Variants in ZNF615 observed in about 807,000 individuals in gnomAD.
ZNF615 encodes the protein zinc finger protein 615.
Under a neutral mutation model 15.3 loss-of-function variants are expected in ZNF615, and 15 were observed. The ratio of observed to expected loss-of-function variants is 0.98; its 90% CI spans 0.66 to 1.51. The LOEUF (loss-of-function observed/expected upper bound fraction) is 1.51. ZNF615 is among the 40% of genes most tolerant of loss of function. The pLI, the probability that ZNF615 is intolerant of heterozygous loss-of-function variation, is 0.00. For synonymous variants in ZNF615, 268 were observed against 294.6 expected (o/e 0.91, Z 0.92); for missense variants, 848 against 895.9 (o/e 0.95, Z 0.68).
rs1465299204 is a variant in ZNF615, at chr19:51,992,769, A to ATGAAGTAAC, written c.*102_*110dup. On this transcript the variant is annotated 3_prime_UTR_variant, in exon 7 of 7. Transcript: ENST00000598071. ...GTACATGTTTTCTCTGACACAAAAC[A>ATGAAGTAAC]TGAAGTAACTGATCACTAAATAAAC... The ATGAAGTAAC allele has an allele frequency of 1.4e-5, 17 of 1,246,386 alleles. No homozygotes were observed. Among genetic ancestry groups the ATGAAGTAAC allele is most frequent in the African/African-American group, 6.1e-5 (4 of 65,826 alleles). 77.2% of individuals were successfully genotyped at this position (1,246,386 alleles called of 1,614,324 possible).
Position 52,003,801 on chromosome 19 carries a change from A to T in ZNF615, c.-90T>A. ...CTCTAAATTTCGGTTCAAAAACTTC[A>T]ATCTCCAATCAAGGATGTCCCCAGA... On this transcript the variant is annotated 5_prime_UTR_variant, in exon 3 of 7. The change abolishes the stop of an existing upstream ORF in the 5' untranslated region. Coordinates refer to ENST00000598071, the MANE Select transcript of ZNF615 (RefSeq NM_001199324.2). 1 of 1,584,382 alleles carries T rather than the reference A, an allele frequency of 6.3e-7. No individual in the cohort carries two copies. The highest frequency in any genetic ancestry group is 8.6e-7 in the Non-Finnish European group (1 of 1,167,526).
intron 6 of ZNF615, among the ~76,000 whole-genome samples, chr19:51,999,829 T>G (rs2086539877): frequency 6.6e-6 from 1 of 152,220 alleles, no homozygotes; most frequent in Non-Finnish European, 1.5e-5. Context: ...AAACATTATC[T>G]TAAAGTAGAG....
In ZNF615 at chr19:51,996,402, A is replaced by AAAAAAAAC. The variant is rs1555771241; in HGVS notation, c.272-1566_272-1565insGTTTTTTT. On this transcript the variant is annotated intron_variant, in intron 6 of 6. Transcript: ENST00000598071. ...CTCTGTCTCAAAAAAAAAAAAAAAAAAAAAAACGCAAAACTATATGGCTTC... is the reference window on the plus strand; with the variant it reads ...CTCTGTCTCAAAAAAAAAAAAAAAAAAAAAAAACAAAAAACGCAAAACTATATGGCTTC... Among the ~76,000 whole-genome samples, 212 of 134,294 alleles carry AAAAAAAAC rather than the reference A, an allele frequency of 1.6e-3. 2 individuals carry two copies. Among genetic ancestry groups the AAAAAAAAC allele is most frequent in the South Asian group, 2.8e-3 (11 of 3,880 alleles). The allele number at this position is 134,294 out of a possible 152,430, so 88.1% of individuals were successfully genotyped here.
Position 51,994,524 on chromosome 19 carries a change from T to G in ZNF615, c.585A>C (p.Lys195Asn), listed in dbSNP as rs777814386. The G allele has an allele frequency of 6.2e-7, 1 of 1,614,130 alleles. No individual in the cohort carries two copies. Among genetic ancestry groups the G allele is most frequent in the South Asian group, 1.1e-5 (1 of 91,074 alleles). ...YTEMKFPAIAKPINKSQFIKQ... is the reference protein window; with the variant it reads ...YTEMKFPAIANPINKSQFIKQ... ...TAATGAACTGGGACTTATTAATAGG[T>G]TTTGCAATTGCAGGAAACTTCATTT... Residue 195 changes from lysine to asparagine, a missense_variant, in exon 7 of 7, where the codon AAA becomes AAC. Coordinates refer to ENST00000598071, the MANE Select transcript of ZNF615 (RefSeq NM_001199324.2).
In ZNF615 at chr19:51,994,486, G is replaced by A. The variant is rs369585230; in HGVS notation, c.623C>T (p.Thr208Ile). Residue 208 changes from threonine to isoleucine, a missense_variant, in exon 7 of 7, where the codon ACT (threonine) becomes ATT (isoleucine). Thr to Ile is a moderately conservative substitution (Grantham distance 89). Coordinates refer to ENST00000598071, the MANE Select transcript of ZNF615 (RefSeq NM_001199324.2). ...TACATGGGCATTCTCTATGTTGTGAGTTCTCTGTTGCTTAATGAACTGGGA... is the reference window on the plus strand; with the variant it reads ...TACATGGGCATTCTCTATGTTGTGAATTCTCTGTTGCTTAATGAACTGGGA... ...NKSQFIKQQRTHNIENAHVCS... is the reference protein window; with the variant it reads ...NKSQFIKQQRIHNIENAHVCS... 36 of 1,614,044 alleles carry A rather than the reference G, an allele frequency of 2.2e-5. No individual in the cohort carries two copies. The Middle Eastern group carries it at 2.6e-3, about 118-fold the overall frequency.
chr19:52,003,221 G>A (rs1486411188), intron 3 of ZNF615, among the ~76,000 whole-genome samples: 1 of 152,102 alleles, frequency 6.6e-6, no homozygotes, highest in African/African-American at 2.4e-5. Context: ...TATGTTATTA[G>A]ACAGCGTTAA....
chr19:52,006,296 A>C (rs865843010), intron 2 of ZNF615, among the ~76,000 whole-genome samples: 11 of 152,224 alleles, frequency 7.2e-5, no homozygotes, highest in African/African-American at 2.4e-4. Context: ...AAAAAAATGA[A>C]TATAAATACA....
In ZNF615 at chr19:51,994,791, T is replaced by C; in HGVS notation, c.318A>G (p.Gln106=). The change falls in exon 7 of 7, where the codon CAA becomes CAG. Residue 106 remains glutamine (Q), a synonymous_variant. Coordinates refer to ENST00000598071, the MANE Select transcript of ZNF615 (RefSeq NM_001199324.2). ...ACTGTTTCACACTCTTCTGAATACT[T>C]TGATTTTGCAAGTGATGCTGCAGAG... ...DDPLQHHLQN[Q]SIQKSVKQCH... 1 of 1,602,496 alleles carries C rather than the reference T, an allele frequency of 6.2e-7. No individual in the cohort carries two copies. Among genetic ancestry groups the C allele is most frequent in the Non-Finnish European group, 8.5e-7 (1 of 1,175,640 alleles).
chr19:52,007,917 C>T, intron 1 of ZNF615: 1 of 532,238 alleles, frequency 1.9e-6, no homozygotes, highest in South Asian at 2.5e-5. Flanking sequence ...TGACTGGTCC[C>T]AGAGGTACCC....
chr19:51,994,222 C>T lies in ZNF615; in HGVS notation c.887G>A (p.Gly296Glu), dbSNP rs768613797. Residue 296 changes from glycine to glutamate, a missense_variant, in exon 7 of 7, where the codon GGG becomes GAG. Coordinates refer to ENST00000598071, the MANE Select transcript of ZNF615 (RefSeq NM_001199324.2). ...LNIHQKTHMG[G>E]KPYTCSQCGK... ...ACATTGGCTACATGTGTAAGGTTTC[C>T]CTCCCATATGAGTTTTCTGATGTAT... 3 of 1,613,790 alleles carry T rather than the reference C, an allele frequency of 1.9e-6. No homozygotes were observed. In the Admixed American group the frequency reaches 5.0e-5, roughly 27 times the overall value.
intron 6 of ZNF615, among the ~76,000 whole-genome samples, chr19:51,998,997 A>G (rs778232707): frequency 5.3e-5 from 8 of 152,240 alleles, no homozygotes; most frequent in Non-Finnish European, 8.8e-5. Context: ...GACAAGAAAC[A>G]TGATTAACTG....
intron 6 of ZNF615, among the ~76,000 whole-genome samples, chr19:51,998,770 T>G (rs1403200271): frequency 2.6e-5 from 4 of 152,170 alleles, no homozygotes; most frequent in Non-Finnish European, 5.9e-5. Context: ...TTCTCCCACC[T>G]CAGCCTCCTG....
chr19:52,001,864 C>G lies in ZNF615; in HGVS notation c.187G>C (p.Gly63Arg). The change falls in exon 5 of 7, where the codon GGA becomes CGA. Residue 63 changes from glycine to arginine, a missense_variant. Gly to Arg is a moderately radical substitution (Grantham distance 125). Coordinates refer to ENST00000598071, the MANE Select transcript of ZNF615 (RefSeq NM_001199324.2). ...KPDALSKLER[G>R]EETCTTEDEI... ...TCTTCTGTTGTGCAAGTTTCTTCTC[C>G]TCGTTCCAATTTGGAGAGTGCATCT... The G allele has an allele frequency of 6.2e-7, 1 of 1,614,126 alleles. No homozygotes were observed.
rs1288217811 is a variant in ZNF615, at chr19:52,008,153, G to C, written c.-240C>G. ...TGACTGAACTTACTTCCCAGAACTT[G>C]GTGGGCTCCGGCCTCATCTCTCGGC... On this transcript the variant is annotated 5_prime_UTR_variant, in exon 1 of 7. Transcript: ENST00000598071. The C allele has an allele frequency of 6.5e-7, 1 of 1,535,522 alleles. No individual in the cohort carries two copies. The highest frequency in any genetic ancestry group is 2.0e-5 in the Admixed American group (1 of 50,966).
intron 6 of ZNF615, among the ~76,000 whole-genome samples, chr19:51,996,338 A>G (rs2123027585): frequency 6.9e-6 from 1 of 145,588 alleles, no homozygotes; most frequent in South Asian, 2.2e-4. Context: ...GTGGGCTGAA[A>G]TCACACCACT....
At position 51,993,051 on chromosome 19, in the gene ZNF615, T is replaced by C. The variant is rs2086282396; in HGVS notation, c.2058A>G (p.Thr686=). The C allele has an allele frequency of 6.2e-7, 1 of 1,614,092 alleles. No homozygotes were observed. Among genetic ancestry groups the C allele is most frequent in the African/African-American group, 1.3e-5 (1 of 74,924 alleles). Residue 686 remains threonine (T), a synonymous_variant, in exon 7 of 7, where the codon ACA becomes ACG. Coordinates refer to ENST00000598071, the MANE Select transcript of ZNF615 (RefSeq NM_001199324.2). ...CACTGCATTTGTACGGTTTCTCTCC[T>C]GTGTGAATTCTCTGATGTGTAATAA... The part of the protein sequence containing the change: ...NDLITHQRIH[T]GEKPYKCSDC...
intron 6 of ZNF615, among the ~76,000 whole-genome samples, chr19:51,996,508 C>T (rs8109926): frequency 0.35 from 53,622 of 151,708 alleles, 9,965 homozygotes; most frequent in South Asian, 0.55. Flanking sequence ...TTTAGCATGC[C>T]TTGTGAAACA....
chr19:52,002,338 A>C, intron 3 of ZNF615, 57 bp from the exon 4 acceptor site: 2 of 1,612,346 alleles, frequency 1.2e-6, no homozygotes, highest in Non-Finnish European at 1.7e-6. Flanking sequence ...TAGGAAAAGA[A>C]TGTCAAGGAA....
chr19:52,004,084 C>A (rs1234275077), intron 2 of ZNF615, among the ~76,000 whole-genome samples, 184 bp from the exon 3 acceptor site: 1 of 152,096 alleles, frequency 6.6e-6, no homozygotes, highest in Non-Finnish European at 1.5e-5. Flanking sequence ...GTACAGCACC[C>A]TTCTATATAA....
Sources: allele counts gnomAD v4.1 joint callset (sites outside exome capture counted in the v4.1 genomes callset), GRCh38; gene constraint gnomAD v4.1.1; transcripts MANE v1.5; gene names NCBI Gene and HGNC (gene_info 2026-07-23, HGNC 2026-07-21).